The following C6 variants were observed in gnomAD, a reference collection of about 807,000 sequenced individuals.
C6 encodes the protein complement component C6.
Under a neutral mutation model 112.9 loss-of-function variants are expected in C6, and 101 were observed. The ratio of observed to expected loss-of-function variants is 0.89; its 90% CI spans 0.76 to 1.06. The LOEUF is 1.06. Among genes scored for constraint, C6 ranks in the 50% least tolerant of loss-of-function variants. C6 has a pLI of 0.00. For missense variants in C6, 1,202 were observed against 1,104.6 expected (o/e 1.09, Z -1.25); for synonymous variants, 431 against 384.1 (o/e 1.12, Z -1.43).
chr5:41,174,680 T>C (rs1748696698), intron 8 of C6, among the ~76,000 whole-genome samples: 1 of 152,222 alleles, frequency 6.6e-6, no homozygotes, highest in Admixed American at 6.6e-5. Context: ...TTTAATTTTG[T>C]TTTCTTTTTC....
At chr5:41,256,844 A>G (rs1741746082) in intron 1 of C6, among the ~76,000 whole-genome samples, 1 of 152,122 alleles carries the variant, frequency 6.6e-6, no homozygotes, top group Non-Finnish European at 1.5e-5. Flanking sequence ...GGGTAAAGGA[A>G]CAATTGCCTC....
At chr5:41,206,575 G>A (rs537793876) in intron 1 of C6, among the ~76,000 whole-genome samples, 79 of 152,272 alleles carry the variant, frequency 5.2e-4, no homozygotes, top group African/African-American at 1.7e-3. Flanking sequence ...ACTACATGAC[G>A]CATGCACAAG....
chr5:41,244,007 T>C (rs546112865), intron 1 of C6, among the ~76,000 whole-genome samples: 1 of 152,342 alleles, frequency 6.6e-6, no homozygotes, highest in East Asian at 1.9e-4. Context: ...TTCCATTCTA[T>C]ACCATTAATT....
chr5:41,229,691 C>CA (rs1301618973), intron 1 of C6, among the ~76,000 whole-genome samples: 1 of 152,058 alleles, frequency 6.6e-6, no homozygotes, highest in Non-Finnish European at 1.5e-5. Context: ...CTTTAAGGTC[C>CA]ATTTAATCTG....
At chr5:41,191,067 CTTTT>C (rs142519688) in intron 5 of C6, among the ~76,000 whole-genome samples, 15 of 84,714 alleles carry the variant, frequency 1.8e-4, no homozygotes, top group Non-Finnish European at 2.5e-4. Context: ...ATGCCTTTGG[CTTTT>C]TTTTTTTTTT....
chr5:41,200,971 T>C (rs148619799), intron 3 of C6, among the ~76,000 whole-genome samples: 130 of 140,556 alleles, frequency 9.2e-4, no homozygotes, highest in Middle Eastern at 3.8e-3. Context: ...AATGCTCCAA[T>C]ATCTAAAAAT....
chr5:41,204,251 C>T (rs1338551059), intron 1 of C6, among the ~76,000 whole-genome samples: 2 of 152,104 alleles, frequency 1.3e-5, no homozygotes, highest in Non-Finnish European at 2.9e-5. Context: ...GTAATACCTA[C>T]CTCATAAAGC....
intron 1 of C6, among the ~76,000 whole-genome samples, chr5:41,205,534 T>G (rs1361151645): frequency 6.6e-6 from 1 of 152,182 alleles, no homozygotes; most frequent in Non-Finnish European, 1.5e-5. Context: ...ATGAGGCACA[T>G]TTCCAATGGT....
intron 1 of C6, among the ~76,000 whole-genome samples, chr5:41,209,042 C>T (rs1751676589): frequency 6.6e-6 from 1 of 152,146 alleles, no homozygotes; most frequent in Non-Finnish European, 1.5e-5. Context: ...TTGGCTTCAC[C>T]CCTGGGATGC....
At chr5:41,193,267 C>G (rs1315629215) in intron 5 of C6, among the ~76,000 whole-genome samples, 2 of 152,118 alleles carry the variant, frequency 1.3e-5, no homozygotes, top group Non-Finnish European at 2.9e-5. Flanking sequence ...TGTGGAGAAC[C>G]TGAAGATAGG....
intron 5 of C6, among the ~76,000 whole-genome samples, 190 bp downstream of exon 5, chr5:41,195,601 AC>A (rs1362332790): frequency 5.3e-5 from 8 of 152,216 alleles, no homozygotes; most frequent in Non-Finnish European, 7.3e-5. Flanking sequence ...GGAAATGCTA[AC>A]TTTTACTTCT....
At position 41,181,701 on chromosome 5, in the gene C6, A is replaced by T. The variant is rs147976170; in HGVS notation, c.727-142T>A. 5.7e-5 allele frequency: 42 copies of T among 740,238 alleles called. No homozygotes were observed. The African/African-American group carries it at 5.8e-4, about 10-fold the overall frequency. 45.9% of individuals were successfully genotyped at this position (740,238 alleles called of 1,614,324 possible). A position where few individuals can be genotyped will look rare whatever the true frequency, so the allele number is the denominator to read the frequency against. Reference sequence around the variant, plus strand: ...CACATTTTGCTAGAGAACAAAGAATAGTGTTATTTCCTGCACTGAGGGGTT... The same window carrying T: ...CACATTTTGCTAGAGAACAAAGAATTGTGTTATTTCCTGCACTGAGGGGTT... On this transcript the variant is annotated intron_variant, in intron 6 of 17. Coordinates refer to ENST00000337836, the MANE Select transcript of C6 (RefSeq NM_000065.5).
At chr5:41,188,948 C>A (rs1749990727) in intron 5 of C6, among the ~76,000 whole-genome samples, 1 of 151,872 alleles carries the variant, frequency 6.6e-6, no homozygotes, top group African/African-American at 2.4e-5. Context: ...CTCAATTAAA[C>A]CATGAGCAAA....
chr5:41,191,205 T>A (rs1049403514), intron 5 of C6, among the ~76,000 whole-genome samples: 4 of 150,852 alleles, frequency 2.7e-5, no homozygotes, highest in African/African-American at 9.7e-5. Flanking sequence ...TAGCTGGGAC[T>A]ACAGATGCCC....
upstream of C6, among the ~76,000 whole-genome samples, chr5:41,213,937 T>C (rs1259326575): frequency 6.6e-6 from 1 of 152,160 alleles, no homozygotes; most frequent in Non-Finnish European, 1.5e-5. Context: ...TTTATTATAG[T>C]AAAAAGTGTT....
chr5:41,198,625 C>T (rs1041324536), intron 4 of C6, among the ~76,000 whole-genome samples: 1 of 152,160 alleles, frequency 6.6e-6, no homozygotes, highest in Non-Finnish European at 1.5e-5. Context: ...TGGCGATCAG[C>T]TGTGCTTACA....
chr5:41,155,365 G>A (rs1273872717), intron 13 of C6, among the ~76,000 whole-genome samples: 1 of 152,032 alleles, frequency 6.6e-6, no homozygotes, highest in Non-Finnish European at 1.5e-5. Context: ...ATTGGTTAGG[G>A]TTTTGTTTGT....
At chr5:41,218,622 G>A (rs1272950133) in intron 1 of C6, among the ~76,000 whole-genome samples, 2 of 152,078 alleles carry the variant, frequency 1.3e-5, no homozygotes, top group Non-Finnish European at 2.9e-5. Flanking sequence ...AATCCTGTAG[G>A]ACCCACTGAG....
chr5:41,227,634 C>T (rs1739605703), intron 1 of C6, among the ~76,000 whole-genome samples: 1 of 152,008 alleles, frequency 6.6e-6, no homozygotes, highest in South Asian at 2.1e-4. Context: ...GATAACTTTT[C>T]AGTTGATTTT....
Sources: allele counts gnomAD v4.1 joint callset (sites outside exome capture counted in the v4.1 genomes callset), GRCh38; gene constraint gnomAD v4.1.1; transcripts MANE v1.5; gene names NCBI Gene and HGNC (gene_info 2026-07-23, HGNC 2026-07-21).